The following NT5DC1 variants were observed in gnomAD, a reference collection of about 807,000 sequenced individuals.
NT5DC1 encodes 5'-nucleotidase domain containing 1, also known as 5'-nucleotidase domain-containing protein 1.
NT5DC1 carries 42 observed loss-of-function variants against 59.4 expected under a neutral mutation model. That is an observed-to-expected ratio of 0.71 (90% CI 0.55 to 0.92). The LOEUF (loss-of-function observed/expected upper bound fraction) is 0.92. Ranked by LOEUF, NT5DC1 falls within the 40% of genes least tolerant of loss-of-function variation. The pLI, the probability that NT5DC1 is intolerant of heterozygous loss-of-function variation, is 0.00. For missense variants in NT5DC1, 501 were observed against 537.1 expected, an observed-to-expected ratio of 0.93 and a Z score of 0.66; for synonymous variants, 172 against 188.1, an observed-to-expected ratio of 0.91 and a Z score of 0.70.
intron 6 of NT5DC1, among the ~76,000 whole-genome samples, chr6:116,169,965 G>A (rs1315842539): frequency 6.6e-6 from 1 of 152,124 alleles, no homozygotes; most frequent in African/African-American, 2.4e-5. Flanking sequence ...GGGTTTCCTA[G>A]AACTAACAAA....
rs904108651 is a variant in NT5DC1, at chr6:116,245,480, A to T, written c.*1456A>T. On this transcript the variant is annotated 3_prime_UTR_variant, in exon 12 of 12. Coordinates refer to ENST00000319550, the MANE Select transcript of NT5DC1 (RefSeq NM_152729.3). ...AAGTAACAAAAAAACAAACAAAAAA[A>T]ATCACTGAAATTTTTCCCTCACAGT... The T allele has an allele frequency of 6.6e-6, 1 of 152,554 alleles. No homozygotes were observed. The allele number at this position is 152,554 out of a possible 1,614,324, so 9.5% of individuals were successfully genotyped here.
intron 6 of NT5DC1, among the ~76,000 whole-genome samples, chr6:116,161,435 C>T (rs545746050): frequency 3.3e-5 from 5 of 151,446 alleles, no homozygotes; most frequent in Non-Finnish European, 5.9e-5. Flanking sequence ...AATAGGGGTC[C>T]AGTTTTATTC....
At chr6:116,120,988 C>A (rs1160893945) in intron 6 of NT5DC1, 1 of 1,613,894 alleles carries the variant, frequency 6.2e-7, no homozygotes. Flanking sequence ...CCCTTTCACC[C>A]TTAGCCCCAG....
At chr6:116,131,875 T>A (rs1265619504) in intron 6 of NT5DC1, among the ~76,000 whole-genome samples, 1 of 152,162 alleles carries the variant, frequency 6.6e-6, no homozygotes, top group Non-Finnish European at 1.5e-5. Flanking sequence ...TCTCTATGTG[T>A]CCATGGTTTC....
intron 6 of NT5DC1, among the ~76,000 whole-genome samples, chr6:116,166,663 CA>C (rs796288404): frequency 2.0e-5 from 3 of 152,252 alleles, no homozygotes; most frequent in African/African-American, 7.2e-5. Flanking sequence ...CTCTTAAAAC[CA>C]AGTCAGTAGT....
chr6:116,124,878 A>G (rs1779246143), intron 6 of NT5DC1, among the ~76,000 whole-genome samples: 1 of 152,148 alleles, frequency 6.6e-6, no homozygotes, highest in African/African-American at 2.4e-5. Flanking sequence ...GATTTTTTTG[A>G]TAAGACTCGG....
chr6:116,223,003 A>G (rs759520516), intron 7 of NT5DC1, 31 bp from the exon 8 acceptor site: 1 of 1,193,260 alleles, frequency 8.4e-7, no homozygotes, highest in Non-Finnish European at 1.2e-6. Context: ...AATTCTTAAA[A>G]TAAACTTATG....
chr6:116,214,486 G>C (rs1025398123), intron 6 of NT5DC1, among the ~76,000 whole-genome samples: 4 of 152,076 alleles, frequency 2.6e-5, no homozygotes, highest in Non-Finnish European at 5.9e-5. Flanking sequence ...TCAAAAAGCT[G>C]TCTGGTTTTA....
rs1582887591 is a variant in NT5DC1 at position 116,237,789 on chromosome 6, T to A, written c.922-398T>A. 1.1e-5 allele frequency: 3 copies of A among 264,130 alleles called. No individual in the cohort carries two copies. In the East Asian group the frequency reaches 2.6e-4, roughly 23 times the overall value. The allele number at this position is 264,130 out of a possible 1,614,324, so 16.4% of individuals were successfully genotyped here. On this transcript the variant is annotated intron_variant, in intron 9 of 11. Coordinates refer to ENST00000319550, the MANE Select transcript of NT5DC1 (RefSeq NM_152729.3). ...AGAAACTTGAAAAGTGGTTGTGATT[T>A]GCACTTTTAATAATCTCTAATCCAC...
intron 6 of NT5DC1, among the ~76,000 whole-genome samples, chr6:116,124,854 G>C (rs1271944529): frequency 6.6e-6 from 1 of 152,164 alleles, no homozygotes; most frequent in Admixed American, 6.5e-5. Context: ...TCATTGTTGG[G>C]GGGGAGGCCA....
chr6:116,152,850 A>G (rs946363108), intron 6 of NT5DC1, among the ~76,000 whole-genome samples: 1 of 152,168 alleles, frequency 6.6e-6, no homozygotes, highest in African/African-American at 2.4e-5. Flanking sequence ...TTTATTTTCT[A>G]TAGTTATATT....
At chr6:116,148,135 C>T (rs1779945405) in intron 6 of NT5DC1, among the ~76,000 whole-genome samples, 1 of 152,008 alleles carries the variant, frequency 6.6e-6, no homozygotes, top group African/African-American at 2.4e-5. Flanking sequence ...GTATGTAACA[C>T]AGAATATCTC....
intron 6 of NT5DC1, among the ~76,000 whole-genome samples, chr6:116,211,949 C>T (rs1056680181): frequency 4.6e-5 from 7 of 152,006 alleles, no homozygotes; most frequent in Non-Finnish European, 7.4e-5. Flanking sequence ...GTTTCATTCA[C>T]GCAGTGAGGC....
rs1348466984 is a variant in NT5DC1 at position 116,247,012 on chromosome 6, T to C, written c.*2988T>C. On this transcript the variant is annotated 3_prime_UTR_variant, in exon 12 of 12. Coordinates refer to ENST00000319550, the MANE Select transcript of NT5DC1 (RefSeq NM_152729.3). Reference sequence around the variant, plus strand: ...TTATTAAATTGTACAGATGGGAAAATTGAAATTCAGAGAGATTAAATACAA... The same window carrying C: ...TTATTAAATTGTACAGATGGGAAAACTGAAATTCAGAGAGATTAAATACAA... The C allele has an allele frequency of 6.6e-6, 1 of 152,156 alleles. No homozygotes were observed. Among genetic ancestry groups the C allele is most frequent in the African/African-American group, 2.4e-5 (1 of 41,432 alleles). The allele number at this position is 152,156 out of a possible 1,614,324, so 9.4% of individuals were successfully genotyped here.
chr6:116,157,567 T>C (rs1332033637), intron 6 of NT5DC1, among the ~76,000 whole-genome samples: 2 of 152,252 alleles, frequency 1.3e-5, no homozygotes, highest in African/African-American at 4.8e-5. Flanking sequence ...GGATCAAGTG[T>C]ATGTGAAATT....
chr6:116,208,241 C>G (rs1328492662), intron 6 of NT5DC1, among the ~76,000 whole-genome samples: 2 of 151,968 alleles, frequency 1.3e-5, no homozygotes, highest in Admixed American at 6.6e-5. Context: ...CTGCTTTGCC[C>G]GGAGGCATCC....
intron 6 of NT5DC1, among the ~76,000 whole-genome samples, chr6:116,216,402 A>AT (rs1051429060): frequency 6.6e-6 from 1 of 151,604 alleles, no homozygotes; most frequent in African/African-American, 2.4e-5. Flanking sequence ...TAAAAAAAAA[A>AT]ATACCAATGT....
At chr6:116,121,271 C>G (rs1295130927) in intron 6 of NT5DC1, 1 of 1,614,010 alleles carries the variant, frequency 6.2e-7, no homozygotes, top group Non-Finnish European at 8.5e-7. Flanking sequence ...CCCAGGGAGA[C>G]CTTTTGTTCC....
chr6:116,220,931 T>C (rs938070690), intron 6 of NT5DC1, 123 bp from the exon 7 acceptor site: 3 of 576,282 alleles, frequency 5.2e-6, no homozygotes, highest in African/African-American at 3.7e-5. Context: ...GCTAGGTCGG[T>C]CAAACCTTGT....
Sources: allele counts gnomAD v4.1 joint callset (sites outside exome capture counted in the v4.1 genomes callset), GRCh38; gene constraint gnomAD v4.1.1; transcripts MANE v1.5; gene names NCBI Gene and HGNC (gene_info 2026-07-23, HGNC 2026-07-21).